AP1S3: variants seen among roughly 807,000 people sequenced by gnomAD.
AP1S3 encodes the protein AP-1 complex subunit sigma-3.
AP1S3 carries 10 observed loss-of-function variants against 20.9 expected under a neutral mutation model. The observed-to-expected ratio is 0.48, with a 90% CI of 0.29 to 0.81. The LOEUF is 0.81. AP1S3 is among the 30% of genes least tolerant of loss of function. The pLI is 0.08. For missense variants in AP1S3, 154 were observed against 183.8 expected (o/e 0.84, Z 0.94); for synonymous variants, 41 against 61.5 (o/e 0.67, Z 1.56).
At chr2:223,759,773 C>T (rs1690307897) in intron 4 of AP1S3, among the ~76,000 whole-genome samples, 1 of 152,144 alleles carries the variant, frequency 6.6e-6, no homozygotes, top group Non-Finnish European at 1.5e-5. Flanking sequence ...TCCTCCCACC[C>T]TCCACCCTCT....
At chr2:223,780,357 AGTGT>A (rs57103665) in intron 1 of AP1S3, among the ~76,000 whole-genome samples, 30 of 44,440 alleles carry the variant, frequency 6.8e-4, no homozygotes, top group East Asian at 2.4e-3. Flanking sequence ...AGAGAGAGAG[AGTGT>A]GTGTGTGTGT....
chr2:223,814,267 G>A (rs951420172), intron 1 of AP1S3, among the ~76,000 whole-genome samples: 4 of 152,140 alleles, frequency 2.6e-5, no homozygotes, highest in Non-Finnish European at 4.4e-5. Context: ...CAGTGGATAC[G>A]GCTGGCATCA....
rs1194555931 is a variant in AP1S3 at position 223,756,403 on chromosome 2, A to G, written c.*2312T>C. On this transcript the variant is annotated 3_prime_UTR_variant, in exon 5 of 5. Transcript: ENST00000396654. ...GAGGGAGGGAGGAAGGGAAGGAAGG[A>G]AGGGAGGGAAGGAGAGAGAGAGAAG... The G allele has an allele frequency of 2.5e-4, 117 of 470,512 alleles. No individual in the cohort carries two copies. Among genetic ancestry groups the G allele is most frequent in the East Asian group, 3.3e-4 (2 of 5,978 alleles). The allele number at this position is 470,512 out of a possible 1,614,324, so 29.1% of individuals were successfully genotyped here.
At chr2:223,770,526 A>ACACACACG (rs1447387679) in intron 3 of AP1S3, among the ~76,000 whole-genome samples, 2 of 151,512 alleles carry the variant, frequency 1.3e-5, no homozygotes, top group Non-Finnish European at 2.9e-5. Flanking sequence ...ACACACACAC[A>ACACACACG]CACACCCCTT....
intron 1 of AP1S3, among the ~76,000 whole-genome samples, chr2:223,794,342 G>A (rs2106105709): frequency 6.6e-6 from 1 of 151,836 alleles, no homozygotes; most frequent in Non-Finnish European, 1.5e-5. Flanking sequence ...GACACAGAGA[G>A]ACTCTGTGTC....
intron 1 of AP1S3, among the ~76,000 whole-genome samples, chr2:223,810,491 T>A (rs911856149): frequency 6.6e-6 from 1 of 152,104 alleles, no homozygotes; most frequent in African/African-American, 2.4e-5. Context: ...ATATTTTTTG[T>A]AGAGACAGGG....
intron 1 of AP1S3, among the ~76,000 whole-genome samples, chr2:223,788,581 GTC>G (rs1330541767): frequency 4.2e-5 from 6 of 143,656 alleles, no homozygotes; most frequent in African/African-American, 1.6e-4. Context: ...GTGAAACCCT[GTC>G]TCTACTAAAA....
rs562732647 is a variant in AP1S3 at position 223,813,299 on chromosome 2, C to T, written c.3+24149G>A. ...AGCAATTTTCCTATGACTTTCAAAA[C>T]GTGCCTTTTGAAATTTACGCCTGGA... On this transcript the variant is annotated intron_variant, in intron 1 of 4. Transcript: ENST00000396654. Among the ~76,000 whole-genome samples, 176 of 152,216 alleles carry T rather than the reference C, an allele frequency of 1.2e-3. 1 individual carries two copies. Among genetic ancestry groups the T allele is most frequent in the African/African-American group, 4.0e-3 (167 of 41,540 alleles).
chr2:223,775,368 T>C (rs1690759263), intron 3 of AP1S3, among the ~76,000 whole-genome samples: 4 of 152,196 alleles, frequency 2.6e-5, no homozygotes, highest in Non-Finnish European at 5.9e-5. Context: ...TTAAGAATAC[T>C]TATAGCTTAG....
intron 1 of AP1S3, among the ~76,000 whole-genome samples, chr2:223,797,475 C>A (rs533262694): frequency 6.6e-6 from 1 of 151,986 alleles, no homozygotes; most frequent in Admixed American, 6.6e-5. Flanking sequence ...AATAATAAAA[C>A]CTTGTTCAGG....
intron 1 of AP1S3, among the ~76,000 whole-genome samples, chr2:223,820,682 A>AAC (rs1347954279): frequency 1.7e-4 from 26 of 151,780 alleles, no homozygotes; most frequent in Non-Finnish European, 3.7e-4. Flanking sequence ...AAAAAAAAAA[A>AAC]AACAAGCCAG....
intron 1 of AP1S3, among the ~76,000 whole-genome samples, chr2:223,785,417 A>G (rs1207528272): frequency 6.6e-6 from 1 of 152,218 alleles, no homozygotes; most frequent in Non-Finnish European, 1.5e-5. Flanking sequence ...TTCTTGCAAA[A>G]AAAGATTACA....
intron 1 of AP1S3, among the ~76,000 whole-genome samples, chr2:223,796,342 A>C (rs1691336357): frequency 6.6e-6 from 1 of 152,178 alleles, no homozygotes; most frequent in Non-Finnish European, 1.5e-5. Flanking sequence ...TCTGATGGGA[A>C]GAGCCTCTGA....
At chr2:223,811,811 G>T (rs559124275) in intron 1 of AP1S3, among the ~76,000 whole-genome samples, 1 of 152,088 alleles carries the variant, frequency 6.6e-6, no homozygotes, top group Non-Finnish European at 1.5e-5. Context: ...TTGTCTTAAG[G>T]CCTGCTTATT....
chr2:223,758,462 G>C lies in AP1S3; in HGVS notation c.*253C>G. 1 of 1,178,402 alleles carries C rather than the reference G, an allele frequency of 8.5e-7. No homozygotes were observed. The highest frequency in any genetic ancestry group is 1.0e-6 in the Non-Finnish European group (1 of 954,658). The allele number at this position is 1,178,402 out of a possible 1,614,324, so 73.0% of individuals were successfully genotyped here. On this transcript the variant is annotated 3_prime_UTR_variant, in exon 5 of 5. Coordinates refer to ENST00000396654, the MANE Select transcript of AP1S3 (RefSeq NM_001039569.2). ...TTACAAATATTGTCTGTTGGGTTAG[G>C]TGGTAGTTACTTTAAACATTTAGAG...
intron 3 of AP1S3, among the ~76,000 whole-genome samples, chr2:223,769,813 G>A (rs1359092338): frequency 1.5e-5 from 2 of 134,774 alleles, no homozygotes; most frequent in South Asian, 2.4e-4. Flanking sequence ...GCGCGATCTC[G>A]GCTCACTGAA....
intron 4 of AP1S3, among the ~76,000 whole-genome samples, chr2:223,764,607 T>A (rs1324813329): frequency 6.6e-6 from 1 of 152,112 alleles, no homozygotes; most frequent in Non-Finnish European, 1.5e-5. Context: ...TCCCAATTTC[T>A]TTATGCAAGC....
At chr2:223,825,640 A>C (rs1282581270) in intron 1 of AP1S3, among the ~76,000 whole-genome samples, 1 of 152,216 alleles carries the variant, frequency 6.6e-6, no homozygotes, top group African/African-American at 2.4e-5. Flanking sequence ...TTGCCCAAAA[A>C]CATGACAAGT....
At chr2:223,786,320 C>G (rs1023080312) in intron 1 of AP1S3, among the ~76,000 whole-genome samples, 2 of 152,110 alleles carry the variant, frequency 1.3e-5, no homozygotes, top group South Asian at 4.1e-4. Flanking sequence ...TCATTTCATT[C>G]TGGCAATAAA....
Sources: gnomAD v4.1 joint callset for allele counts (sites outside exome capture counted in the v4.1 genomes callset) on GRCh38, gnomAD v4.1.1 for gene constraint, MANE v1.5 for transcripts, NCBI Gene and HGNC (gene_info 2026-07-23, HGNC 2026-07-21) for gene names.